MTR: variants seen among roughly 807,000 people sequenced by gnomAD.
MTR encodes methionine synthase.
Under a neutral mutation model 154.8 loss-of-function variants are expected in MTR, and 84 were observed. The observed-to-expected ratio is 0.54, with a 90% CI of 0.45 to 0.65. The LOEUF (loss-of-function observed/expected upper bound fraction) is 0.65, where lower values mean the gene tolerates loss of function less well. Ranked by LOEUF, MTR falls within the 30% of genes least tolerant of loss-of-function variation. MTR has a pLI of 0.00. For synonymous variants in MTR, 554 were observed against 553.9 expected, an observed-to-expected ratio of 1.00 and a Z score of 0.00; for missense variants, 1,275 against 1,570.2, an observed-to-expected ratio of 0.81 and a Z score of 3.18.
chr1:236,869,399 T>C (rs1209708283), intron 22 of MTR, among the ~76,000 whole-genome samples: 1 of 152,212 alleles, frequency 6.6e-6, no homozygotes, highest in Admixed American at 6.5e-5. Flanking sequence ...GTCTCGCTAA[T>C]GTTGCCCAGG....
intron 29 of MTR, among the ~76,000 whole-genome samples, chr1:236,892,674 A>G (rs1279302257): frequency 6.6e-6 from 1 of 152,170 alleles, no homozygotes; most frequent in African/African-American, 2.4e-5. Context: ...TCCTCACTGT[A>G]TGCGCCCAGG....
chr1:236,889,701 A>T (rs1469043387), intron 28 of MTR, among the ~76,000 whole-genome samples: 1 of 152,152 alleles, frequency 6.6e-6, no homozygotes, highest in African/African-American at 2.4e-5. Context: ...TAGAGCTCAG[A>T]CTGGGAGGTC....
intron 8 of MTR, among the ~76,000 whole-genome samples, chr1:236,821,133 G>A (rs1292261691): frequency 1.3e-5 from 2 of 152,228 alleles, no homozygotes; most frequent in Admixed American, 6.5e-5. Context: ...TTCTGGAGGC[G>A]GGGAACTTCA....
intron 14 of MTR, among the ~76,000 whole-genome samples, chr1:236,837,208 C>T (rs1017335143): frequency 1.3e-5 from 2 of 152,180 alleles, no homozygotes; most frequent in African/African-American, 4.8e-5. Flanking sequence ...TTGCATTTGA[C>T]CCTTTCCTTA....
chr1:236,862,674 C>T (rs921993118), intron 21 of MTR, among the ~76,000 whole-genome samples: 2 of 152,236 alleles, frequency 1.3e-5, no homozygotes, highest in South Asian at 4.1e-4. Context: ...AGGCACTGCT[C>T]ACTCAAAGGT....
Position 236,874,804 on chromosome 1 carries a change from C to CT in MTR, c.2553dup (p.Ile852TyrfsTer20). The stretch of plus-strand genomic sequence containing the variant: ...GTTGCCAAGGAAATGGAGAGATTAG[C>CT]TATAAGGATTCCATTGTTGATTGGA... On this transcript the variant is annotated frameshift_variant, in exon 24 of 33. Coordinates refer to ENST00000366577, the MANE Select transcript of MTR (RefSeq NM_000254.3). LOFTEE classifies it high-confidence loss of function. The CT allele has an allele frequency of 6.2e-7, 1 of 1,613,222 alleles. No homozygotes were observed. Among genetic ancestry groups the CT allele is most frequent in the Non-Finnish European group, 8.5e-7 (1 of 1,179,714 alleles).
chr1:236,867,006 A>C (rs768193635), intron 22 of MTR, among the ~76,000 whole-genome samples: 7 of 152,224 alleles, frequency 4.6e-5, no homozygotes, highest in Non-Finnish European at 1.0e-4. Flanking sequence ...GCAGGTGCTG[A>C]TGGAGAAGCT....
At chr1:236,855,877 AG>A (rs1277647210) in intron 18 of MTR, among the ~76,000 whole-genome samples, 2 of 152,184 alleles carry the variant, frequency 1.3e-5, no homozygotes, top group African/African-American at 4.8e-5. Context: ...TGTATCATGG[AG>A]AACTCCCTAT....
Position 236,829,221 on chromosome 1 carries a change from C to T in MTR, c.1028C>T (p.Pro343Leu), listed in dbSNP as rs1662469486. ...GCTGAAGCTGTGAAAAATTGTAAGC[C>T]TAGAGTTCCACCTGCCACTGCTTTT... The part of the protein sequence containing the change: ...EIAEAVKNCK[P>L]RVPPATAFEG... Residue 343 changes from proline to leucine, a missense_variant, in exon 12 of 33, where the codon CCT (proline) becomes CTT (leucine). By Grantham distance (98) the Pro-to-Leu change is moderately conservative. Transcript: ENST00000366577. 1.2e-6 allele frequency: 2 copies of T among 1,613,878 alleles called. No individual in the cohort carries two copies. The highest frequency in any genetic ancestry group is 1.7e-6 in the Non-Finnish European group (2 of 1,179,918).
chr1:236,872,086 A>C (rs1338594037), intron 22 of MTR, among the ~76,000 whole-genome samples: 1 of 152,222 alleles, frequency 6.6e-6, no homozygotes, highest in Non-Finnish European at 1.5e-5. Flanking sequence ...AAGTTTTTCA[A>C]CATCTTTTAA....
chr1:236,853,161 C>A lies in MTR; in HGVS notation c.1953+73C>A, dbSNP rs574724902. On this transcript the variant is annotated intron_variant, in intron 18 of 32. Transcript: ENST00000366577. The stretch of plus-strand genomic sequence containing the variant: ...GTATTACTCACCTACAGTTAGTAGA[C>A]CTTCATGGTGGAATAGAAGCAAATA... The A allele has an allele frequency of 1.4e-4, 207 of 1,470,072 alleles. 1 individual carries two copies. In the African/African-American group the frequency reaches 1.9e-3, roughly 14 times the overall value. The allele number at this position is 1,470,072 out of a possible 1,614,324, so 91.1% of individuals were successfully genotyped here. A position where few individuals can be genotyped will look rare whatever the true frequency, so the allele number is the denominator to read the frequency against.
rs934470002 is a variant in MTR at position 236,816,491 on chromosome 1, G to A, written c.712G>A (p.Gly238Arg). The A allele has an allele frequency of 1.9e-6, 3 of 1,613,980 alleles. No homozygotes were observed. The highest frequency in any genetic ancestry group is 1.3e-5 in the African/African-American group (1 of 74,908). Residue 238 changes from glycine (G) to arginine (R), a missense_variant, in exon 8 of 33, where the codon GGA becomes AGA. Physicochemically the swap from Gly to Arg is moderately radical, Grantham distance 125. Transcript: ENST00000366577. ...TGATAAAAGTGGGCGGACTCTTTCC[G>A]GACAGACAGGAGAGGGATTTGTCAT... ...IVDKSGRTLS[G>R]QTGEGFVISV...
chr1:236,880,629 A>G, intron 24 of MTR, 126 bp from the exon 25 acceptor site: 1 of 803,866 alleles, frequency 1.2e-6, no homozygotes, highest in South Asian at 1.4e-5. Flanking sequence ...ATTTGTAGGT[A>G]AGCACCTTGA....
intron 22 of MTR, among the ~76,000 whole-genome samples, chr1:236,866,966 G>C: frequency 6.6e-6 from 1 of 152,220 alleles, no homozygotes; most frequent in East Asian, 1.9e-4. Context: ...GAAAGAAGCT[G>C]TCTCCTAACA....
chr1:236,897,897 C>T lies in MTR; in HGVS notation c.*253C>T. 1 of 515,128 alleles carries T rather than the reference C, an allele frequency of 1.9e-6. No homozygotes were observed. Among genetic ancestry groups the T allele is most frequent in the Non-Finnish European group, 3.5e-6 (1 of 289,620 alleles). 31.9% of individuals were successfully genotyped at this position (515,128 alleles called of 1,614,324 possible). A position where few individuals can be genotyped will look rare whatever the true frequency, so the allele number is the denominator to read the frequency against. Reference sequence around the variant, plus strand: ...CAGGGTTCCTGTGGTTTCCCTGGTCCCTCTGAGATGGGGACAGACTGAAGA... The same window carrying T: ...CAGGGTTCCTGTGGTTTCCCTGGTCTCTCTGAGATGGGGACAGACTGAAGA... On this transcript the variant is annotated 3_prime_UTR_variant, in exon 33 of 33. Coordinates refer to ENST00000366577, the MANE Select transcript of MTR (RefSeq NM_000254.3).
chr1:236,835,756 G>A, intron 14 of MTR, 69 bp downstream of exon 14: 4 of 1,595,152 alleles, frequency 2.5e-6, no homozygotes, highest in Non-Finnish European at 3.4e-6. Context: ...AACCGTGCCA[G>A]TTGTCCCATT....
At chr1:236,874,981 C>T (rs1383742601) in intron 24 of MTR, 135 bp downstream of exon 24, 4 of 1,040,872 alleles carry the variant, frequency 3.8e-6, no homozygotes, top group Non-Finnish European at 5.7e-6. Context: ...TAAACACAAA[C>T]ATTTTCTGGT....
rs749112677 is a variant in MTR at position 236,897,087 on chromosome 1, A to T, written c.3680A>T (p.Tyr1227Phe). 3 of 1,613,978 alleles carry T rather than the reference A, an allele frequency of 1.9e-6. No individual in the cohort carries two copies. In the East Asian group the frequency reaches 6.7e-5, roughly 36 times the overall value. ...GLYFSNLKSK[Y>F]FAVGKISKDQ... ...TACTTCTCCAATTTGAAGTCCAAAT[A>T]TTTTGCTGTGGGGAAGATTTCCAAG... is the stretch of plus-strand genomic sequence containing the variant. Residue 1227 changes from tyrosine to phenylalanine, a missense_variant, in exon 32 of 33, where the codon TAT becomes TTT. By Grantham distance (22) the Tyr-to-Phe change is conservative. Transcript: ENST00000366577.
intron 19 of MTR, 26 bp downstream of exon 19, chr1:236,859,948 G>C (rs929744683): frequency 6.3e-7 from 1 of 1,599,208 alleles, no homozygotes; most frequent in Non-Finnish European, 8.6e-7. Flanking sequence ...CTGAACTGGA[G>C]GGCTGGAGGC....
Sources: gnomAD v4.1 joint callset for allele counts (sites outside exome capture counted in the v4.1 genomes callset) on GRCh38, gnomAD v4.1.1 for gene constraint, MANE v1.5 for transcripts, NCBI Gene and HGNC (gene_info 2026-07-23, HGNC 2026-07-21) for gene names.